CD46: variants seen among roughly 807,000 people sequenced by gnomAD.
CD46 encodes membrane cofactor protein.
Under a neutral mutation model 53.3 loss-of-function variants are expected in CD46, and 30 were observed. The observed-to-expected ratio is 0.56, with a 90% CI of 0.42 to 0.76. CD46 has a LOEUF of 0.76. Ranked by LOEUF, CD46 falls within the 30% of genes least tolerant of loss-of-function variation. The pLI is 0.00. For missense variants in CD46, 409 were observed against 463.0 expected, an observed-to-expected ratio of 0.88 and a Z score of 1.07; for synonymous variants, 142 against 152.0, an observed-to-expected ratio of 0.93 and a Z score of 0.48.
Position 207,785,856 on chromosome 1 carries a change from C to T in CD46, c.1082+174C>T, listed in dbSNP as rs117076876. The T allele has an allele frequency of 7.3e-4, 419 of 576,474 alleles. 4 individuals carry two copies. The East Asian group carries it at 0.013, about 17-fold the overall frequency. The allele number at this position is 576,474 out of a possible 1,614,324, so 35.7% of individuals were successfully genotyped here. Reference sequence around the variant, plus strand: ...TCTTTGCTAAAAATATTTTCAGCTACTTCTAACATCACTGCAACATAAAAA... The same window carrying T: ...TCTTTGCTAAAAATATTTTCAGCTATTTCTAACATCACTGCAACATAAAAA... On this transcript the variant is annotated intron_variant, in intron 11 of 12. Transcript: ENST00000367042.
intron 6 of CD46, chr1:207,767,551 A>G: frequency 7.5e-7 from 1 of 1,329,292 alleles, no homozygotes; most frequent in Non-Finnish European, 1.1e-6. Context: ...CATATAAATG[A>G]AATGAGAGCA....
intron 5 of CD46, among the ~76,000 whole-genome samples, chr1:207,765,490 C>G (rs1024152726): frequency 1.3e-5 from 2 of 152,138 alleles, no homozygotes; most frequent in African/African-American, 4.8e-5. Context: ...TGAGGATGTC[C>G]ACTCTTACCA....
chr1:207,787,753 C>T (rs188476872), intron 11 of CD46, among the ~76,000 whole-genome samples: 18 of 152,316 alleles, frequency 1.2e-4, no homozygotes, highest in Non-Finnish European at 1.6e-4. Flanking sequence ...GGAAATTCAG[C>T]ATATGTAATG....
chr1:207,754,815 T>G (rs1324351198), intron 1 of CD46, among the ~76,000 whole-genome samples: 1 of 151,486 alleles, frequency 6.6e-6, no homozygotes, highest in Non-Finnish European at 1.5e-5. Flanking sequence ...AGGAGGGTAA[T>G]GGGAGTAGGG....
intron 3 of CD46, among the ~76,000 whole-genome samples, chr1:207,758,784 G>A (rs1655857634): frequency 6.6e-6 from 1 of 152,184 alleles, no homozygotes; most frequent in Non-Finnish European, 1.5e-5. Flanking sequence ...GGAATATTCA[G>A]TTGACACATA....
chr1:207,765,105 T>C (rs1656696275), intron 5 of CD46, among the ~76,000 whole-genome samples: 1 of 152,206 alleles, frequency 6.6e-6, no homozygotes, highest in African/African-American at 2.4e-5. Flanking sequence ...CATGACCAAG[T>C]AGGATTTACC....
In CD46 at chr1:207,782,307, G is replaced by T. The variant is rs140392847; in HGVS notation, c.944-985G>T. 4.4e-3 allele frequency among the ~76,000 whole-genome samples: 669 copies of T among 152,234 alleles called. 3 individuals are homozygous for T. The highest frequency in any genetic ancestry group is 8.0e-3 in the Non-Finnish European group (544 of 68,008). On this transcript the variant is annotated intron_variant, in intron 8 of 12. Transcript: ENST00000367042. The stretch of plus-strand genomic sequence containing the variant: ...CTGAATTCATTTATTAGTTCTAAGA[G>T]ATTTTTGCATGTGTGTGTATATGTG...
intron 12 of CD46, among the ~76,000 whole-genome samples, chr1:207,791,196 C>T (rs752770240): frequency 2.2e-4 from 34 of 152,158 alleles, no homozygotes; most frequent in Non-Finnish European, 3.2e-4. Context: ...TTCTTATCCA[C>T]GGGGGATACA....
At chr1:207,789,116 T>C (rs1659556148) in intron 11 of CD46, among the ~76,000 whole-genome samples, 2 of 152,224 alleles carry the variant, frequency 1.3e-5, no homozygotes, top group Non-Finnish European at 2.9e-5. Flanking sequence ...ACAGATGCCT[T>C]TTGTTTACAT....
At chr1:207,784,664 G>C (rs1028329023) in intron 9 of CD46, among the ~76,000 whole-genome samples, 3 of 152,138 alleles carry the variant, frequency 2.0e-5, no homozygotes, top group Admixed American at 2.0e-4. Flanking sequence ...GTCTGAGACC[G>C]GGTAATTTAT....
At chr1:207,772,192 GCTCT>G (rs1160847428) in intron 8 of CD46, among the ~76,000 whole-genome samples, 10 of 151,946 alleles carry the variant, frequency 6.6e-5, no homozygotes, top group African/African-American at 2.2e-4. Context: ...TCATTATTTG[GCTCT>G]CTGTTTGTCT....
rs1181467668 is a variant in CD46, at chr1:207,793,538, G to A, written c.*61G>A. 1.9e-6 allele frequency: 3 copies of A among 1,613,830 alleles called. No homozygotes were observed. The African/African-American group carries it at 4.0e-5, about 22-fold the overall frequency. ...TTGCAGGAAAGCAGATGGTGGAGCT[G>A]AATATGCCACTTACCAGACTAAATC... On this transcript the variant is annotated 3_prime_UTR_variant, in exon 13 of 13. Coordinates refer to ENST00000367042, the MANE Select transcript of CD46 (RefSeq NM_172351.3).
intron 5 of CD46, 126 bp from the exon 6 acceptor site, chr1:207,766,887 T>TA: frequency 1.4e-6 from 1 of 727,272 alleles, no homozygotes; most frequent in South Asian, 1.7e-5. Flanking sequence ...TAAAGTCTTT[T>TA]AAAAAATGTT....
chr1:207,763,604 A>G (rs533393697), intron 5 of CD46, among the ~76,000 whole-genome samples: 100 of 152,210 alleles, frequency 6.6e-4, no homozygotes, highest in African/African-American at 2.2e-3. Context: ...ATTAAGTTTC[A>G]TATGTTTTGA....
intron 1 of CD46, among the ~76,000 whole-genome samples, chr1:207,753,006 T>C (rs1655096543): frequency 6.6e-6 from 1 of 151,822 alleles, no homozygotes; most frequent in Non-Finnish European, 1.5e-5. Context: ...CGCGCCATGC[T>C]TTTTGTGCCT....
intron 5 of CD46, among the ~76,000 whole-genome samples, chr1:207,765,892 A>G (rs1656788422): frequency 1.3e-5 from 2 of 152,218 alleles, no homozygotes. Flanking sequence ...CCCAAACTGC[A>G]AATCGCCACA....
At chr1:207,790,159 C>G (rs1659667452) in intron 11 of CD46, 94 bp from the exon 12 acceptor site, 1 of 777,654 alleles carries the variant, frequency 1.3e-6, no homozygotes. Context: ...CTGCTACTCT[C>G]TTACACTGGA....
chr1:207,781,518 G>T (rs1404766122), intron 8 of CD46, among the ~76,000 whole-genome samples: 5 of 152,138 alleles, frequency 3.3e-5, no homozygotes, highest in Non-Finnish European at 2.9e-5. Flanking sequence ...CAAATGTCAA[G>T]AAGCATTTCC....
At chr1:207,787,579 C>T (rs577594957) in intron 11 of CD46, among the ~76,000 whole-genome samples, 1 of 152,150 alleles carries the variant, frequency 6.6e-6, no homozygotes, top group Non-Finnish European at 1.5e-5. Flanking sequence ...TTAGCCAATG[C>T]AACATAATTA....
Sources: gnomAD v4.1 joint callset for allele counts (sites outside exome capture counted in the v4.1 genomes callset) on GRCh38, gnomAD v4.1.1 for gene constraint, MANE v1.5 for transcripts, NCBI Gene and HGNC (gene_info 2026-07-23, HGNC 2026-07-21) for gene names.